MYO3B: variants seen among roughly 807,000 people sequenced by gnomAD.
MYO3B encodes myosin-IIIb.
In MYO3B, 156 loss-of-function variants were observed where a neutral mutation model predicts 174.6. The ratio of observed to expected loss-of-function variants is 0.89; its 90% CI spans 0.78 to 1.02. The LOEUF is 1.02. Among genes scored for constraint, MYO3B ranks in the 50% least tolerant of loss-of-function variants. MYO3B has a pLI of 0.00. For synonymous variants in MYO3B, 563 were observed against 569.1 expected (o/e 0.99, Z 0.15); for missense variants, 1,632 against 1,639.4 (o/e 1.00, Z 0.08).
chr2:170,436,215 G>A (rs2094752568), intron 22 of MYO3B, among the ~76,000 whole-genome samples: 1 of 152,186 alleles, frequency 6.6e-6, no homozygotes, highest in Non-Finnish European at 1.5e-5. Context: ...ACAGAAGGGT[G>A]TTCTGGGGCA....
rs55963352 is a variant in MYO3B at position 170,497,947 on chromosome 2, G to GA, written c.3015-621dup. 5.0e-3 allele frequency among the ~76,000 whole-genome samples: 443 copies of GA among 87,828 alleles called. 3 individuals carry two copies. The highest frequency in any genetic ancestry group is 0.016 in the African/African-American group (421 of 26,452). The allele number at this position is 87,828 out of a possible 152,430, so 57.6% of individuals were successfully genotyped here. A position where few individuals can be genotyped will look rare whatever the true frequency, so the allele number is the denominator to read the frequency against. On this transcript the variant is annotated intron_variant, in intron 25 of 34. Transcript: ENST00000408978. ...GCAACAAGAGTGAAATTCTGCCTCAGAAAAAAAAAAAAAAAAAAAAAAAAG... is the reference window on the plus strand; with the variant it reads ...GCAACAAGAGTGAAATTCTGCCTCAGAAAAAAAAAAAAAAAAAAAAAAAAAG...
At chr2:170,445,802 T>TA (rs869097038) in intron 23 of MYO3B, among the ~76,000 whole-genome samples, 1 of 152,054 alleles carries the variant, frequency 6.6e-6, no homozygotes, top group Non-Finnish European at 1.5e-5. Flanking sequence ...CCTGGCTAAC[T>TA]AAAAAAAATT....
At chr2:170,378,251 C>G (rs180828706) in intron 9 of MYO3B, among the ~76,000 whole-genome samples, 1 of 152,060 alleles carries the variant, frequency 6.6e-6, no homozygotes, top group Admixed American at 6.6e-5. Context: ...AACCCCATAG[C>G]CAGAGGAGGA....
In MYO3B at chr2:170,501,815, T is replaced by C; in HGVS notation, c.3320T>C (p.Phe1107Ser). The change falls in exon 28 of 35, where the codon TTT (phenylalanine) becomes TCT (serine). Residue 1107 changes from phenylalanine (F) to serine (S), a missense_variant. Phe to Ser is a radical substitution (Grantham distance 155). Transcript: ENST00000408978. The part of the protein sequence containing the change: ...AWRGYDARRK[F>S]KKISNRRNES... ...AGAGGATATGATGCTCGGAGGAAAT[T>C]TAAGAAAATAAGCAACAGAAGGAAT... The C allele has an allele frequency of 6.2e-7, 1 of 1,613,046 alleles. No homozygotes were observed. The highest frequency in any genetic ancestry group is 8.5e-7 in the Non-Finnish European group (1 of 1,179,144).
chr2:170,467,590 A>C (rs532767000), intron 25 of MYO3B, among the ~76,000 whole-genome samples: 40 of 152,100 alleles, frequency 2.6e-4, no homozygotes, highest in Non-Finnish European at 4.9e-4. Flanking sequence ...GAATATTGAA[A>C]TCCATTGTAT....
Position 170,245,476 on chromosome 2 carries a change from T to C in MYO3B, c.749+9340T>C, listed in dbSNP as rs183185702. Among the ~76,000 whole-genome samples, 11 of 152,256 alleles carry C rather than the reference T, an allele frequency of 7.2e-5. 1 individual carries two copies. The East Asian group carries it at 2.1e-3, about 29-fold the overall frequency. On this transcript the variant is annotated intron_variant, in intron 7 of 34. Coordinates refer to ENST00000408978, the MANE Select transcript of MYO3B (RefSeq NM_138995.5). ...GATGGAATGATGTCTTCCTTCTGAG[T>C]GCCAGACCAAAACTGCCATAAGGGA...
At chr2:170,311,159 G>A (rs972088474) in intron 7 of MYO3B, among the ~76,000 whole-genome samples, 2 of 152,046 alleles carry the variant, frequency 1.3e-5, no homozygotes, top group African/African-American at 2.4e-5. Context: ...AATGCTGGGC[G>A]ATTCTGTGTT....
chr2:170,509,471 A>G (rs1387248819), intron 28 of MYO3B, among the ~76,000 whole-genome samples: 1 of 152,266 alleles, frequency 6.6e-6, no homozygotes. Flanking sequence ...ATCTTTGTAA[A>G]AAGAATTTTC....
chr2:170,548,293 G>A (rs959070914), intron 32 of MYO3B, among the ~76,000 whole-genome samples: 9 of 152,014 alleles, frequency 5.9e-5, no homozygotes, highest in Non-Finnish European at 1.0e-4. Context: ...TTGGAGCTAA[G>A]AGAGCAAAAA....
rs1016891304 is a variant in MYO3B, at chr2:170,630,421, C to T, written c.3734-21207C>T. On this transcript the variant is annotated intron_variant, in intron 32 of 34. Coordinates refer to ENST00000408978, the MANE Select transcript of MYO3B (RefSeq NM_138995.5). ...GAAGCTCGAACTGAGTGGGGCCCAC[C>T]GCAGCTCAACGAGGCCTGCCTGCCT... is the stretch of plus-strand genomic sequence containing the variant. Among the ~76,000 whole-genome samples the T allele has an allele frequency of 7.9e-5, 12 of 152,134 alleles. No individual in the cohort carries two copies. In the East Asian group the frequency reaches 9.6e-4, roughly 12 times the overall value.
intron 22 of MYO3B, among the ~76,000 whole-genome samples, chr2:170,436,974 A>G (rs12620713): frequency 0.23 from 35,597 of 152,134 alleles, 5,032 homozygotes; most frequent in Non-Finnish European, 0.31. Context: ...CTAATGTGAA[A>G]TGAATAGTTG....
At chr2:170,559,747 C>A (rs959160439) in intron 32 of MYO3B, among the ~76,000 whole-genome samples, 9 of 152,174 alleles carry the variant, frequency 5.9e-5, no homozygotes, top group African/African-American at 2.2e-4. Context: ...ATCATGCACT[C>A]TATCCTAGAC....
chr2:170,486,038 C>T (rs1305883422), intron 25 of MYO3B, among the ~76,000 whole-genome samples: 5 of 148,664 alleles, frequency 3.4e-5, no homozygotes, highest in African/African-American at 1.2e-4. Flanking sequence ...AGAGAATTTG[C>T]ATTTCTAATA....
At chr2:170,187,149 TTTAC>T (rs990994518) in intron 1 of MYO3B, among the ~76,000 whole-genome samples, 1 of 152,140 alleles carries the variant, frequency 6.6e-6, no homozygotes, top group African/African-American at 2.4e-5. Flanking sequence ...TCATTTCAAT[TTTAC>T]TTCTTTCTGC....
At chr2:170,256,832 AC>A (rs2093308814) in intron 7 of MYO3B, among the ~76,000 whole-genome samples, 1 of 152,118 alleles carries the variant, frequency 6.6e-6, no homozygotes, top group Non-Finnish European at 1.5e-5. Flanking sequence ...ATAAAACAAG[AC>A]CCAACTGTCT....
At chr2:170,527,637 C>T (rs910151063) in intron 30 of MYO3B, among the ~76,000 whole-genome samples, 20 of 152,184 alleles carry the variant, frequency 1.3e-4, no homozygotes, top group African/African-American at 3.4e-4. Context: ...GTAGAGGAAA[C>T]GATTCAGCTA....
intron 1 of MYO3B, among the ~76,000 whole-genome samples, chr2:170,187,562 T>A (rs1264823040): frequency 6.6e-6 from 1 of 152,186 alleles, no homozygotes; most frequent in Non-Finnish European, 1.5e-5. Context: ...ATCATTAAGT[T>A]GTTTATTTGA....
rs552369196 is a variant in MYO3B, at chr2:170,271,265, A to T, written c.749+35129A>T. Among the ~76,000 whole-genome samples, 3 of 152,342 alleles carry T rather than the reference A, an allele frequency of 2.0e-5. No homozygotes were observed. In the South Asian group the frequency reaches 6.2e-4, roughly 32 times the overall value. ...ATTTAGCCTTTAACTGGAAAGCAGC[A>T]TAATCTTAAAATAAATGTTATTTTG... On this transcript the variant is annotated intron_variant, in intron 7 of 34. Coordinates refer to ENST00000408978, the MANE Select transcript of MYO3B (RefSeq NM_138995.5).
intron 3 of MYO3B, among the ~76,000 whole-genome samples, chr2:170,214,144 T>G (rs2092802800): frequency 6.6e-6 from 1 of 152,328 alleles, no homozygotes; most frequent in South Asian, 2.1e-4. Context: ...AAAGTTAGCA[T>G]TTTGAACATG....
Sources: allele counts gnomAD v4.1 joint callset (sites outside exome capture counted in the v4.1 genomes callset), GRCh38; gene constraint gnomAD v4.1.1; transcripts MANE v1.5; gene names NCBI Gene and HGNC (gene_info 2026-07-23, HGNC 2026-07-21).